The following SLC25A21 variants were observed in gnomAD, a reference collection of about 807,000 sequenced individuals.
The protein encoded by SLC25A21 is solute carrier family 25 member 21.
A neutral mutation model predicts 43.8 loss-of-function variants in SLC25A21; 47 were observed. The ratio of observed to expected loss-of-function variants is 1.07; its 90% CI spans 0.85 to 1.37. The LOEUF is 1.37. SLC25A21 is among the 40% of genes most tolerant of loss of function. The pLI is 0.00. For synonymous variants in SLC25A21, 131 were observed against 121.3 expected, an observed-to-expected ratio of 1.08 and a Z score of -0.52; for missense variants, 352 against 350.2, an observed-to-expected ratio of 1.00 and a Z score of -0.04.
At chr14:37,164,282 A>T (rs367578251) in intron 1 of SLC25A21, among the ~76,000 whole-genome samples, 1 of 152,194 alleles carries the variant, frequency 6.6e-6, no homozygotes, top group Admixed American at 6.5e-5. Context: ...CTTAAAATAC[A>T]TCCTTTAAAG....
At chr14:36,870,066 T>C (rs947174486) in intron 2 of SLC25A21, among the ~76,000 whole-genome samples, 1 of 152,208 alleles carries the variant, frequency 6.6e-6, no homozygotes, top group African/African-American at 2.4e-5. Flanking sequence ...AAAATAATCC[T>C]TGAGCACTAC....
intron 1 of SLC25A21, among the ~76,000 whole-genome samples, chr14:37,129,733 T>C (rs1005688847): frequency 4.6e-5 from 7 of 151,870 alleles, no homozygotes; most frequent in Non-Finnish European, 7.4e-5. Context: ...TGGGTGCCTA[T>C]AGCCCTTAAA....
At chr14:37,010,172 T>C (rs937228748) in intron 1 of SLC25A21, among the ~76,000 whole-genome samples, 6 of 152,202 alleles carry the variant, frequency 3.9e-5, no homozygotes, top group Non-Finnish European at 5.9e-5. Flanking sequence ...TGTAACCAAA[T>C]GGCACAGTAC....
intron 1 of SLC25A21, among the ~76,000 whole-genome samples, chr14:36,948,108 C>T (rs1892718202): frequency 6.6e-6 from 1 of 151,718 alleles, no homozygotes; most frequent in East Asian, 1.9e-4. Context: ...AATCCTAGTT[C>T]TTAAGAATGC....
chr14:36,731,624 G>T (rs1215935250), intron 4 of SLC25A21, among the ~76,000 whole-genome samples: 1 of 152,162 alleles, frequency 6.6e-6, no homozygotes, highest in Non-Finnish European at 1.5e-5. Flanking sequence ...TTCCAGTCTG[G>T]CTGGTGGGAA....
chr14:36,717,276 C>T (rs1461738120), intron 6 of SLC25A21, among the ~76,000 whole-genome samples: 3 of 152,158 alleles, frequency 2.0e-5, no homozygotes, highest in South Asian at 2.1e-4. Context: ...AAAAAGTCCA[C>T]ATTTATAGTT....
At chr14:37,113,822 C>T (rs1963061253) in intron 1 of SLC25A21, among the ~76,000 whole-genome samples, 1 of 135,364 alleles carries the variant, frequency 7.4e-6, no homozygotes, top group African/African-American at 2.7e-5. Context: ...ACACTGTACT[C>T]CAGTCTGGGC....
At chr14:36,778,834 G>A (rs890009914) in intron 3 of SLC25A21, among the ~76,000 whole-genome samples, 4 of 152,066 alleles carry the variant, frequency 2.6e-5, no homozygotes, top group African/African-American at 9.7e-5. Context: ...TTGTTTTAGT[G>A]AGAACACTTA....
chr14:36,822,533 G>A (rs747087736), intron 2 of SLC25A21, among the ~76,000 whole-genome samples: 2 of 152,142 alleles, frequency 1.3e-5, no homozygotes, highest in African/African-American at 2.4e-5. Context: ...ACCAATAAGT[G>A]TCTCTATGTT....
intron 3 of SLC25A21, among the ~76,000 whole-genome samples, chr14:36,766,444 C>G (rs897453097): frequency 6.6e-6 from 1 of 152,172 alleles, no homozygotes; most frequent in Non-Finnish European, 1.5e-5. Flanking sequence ...TAATCCTGGT[C>G]AGATTTCTCT....
At chr14:37,153,005 C>T (rs2138936942) in intron 1 of SLC25A21, among the ~76,000 whole-genome samples, 1 of 152,238 alleles carries the variant, frequency 6.6e-6, no homozygotes, top group Non-Finnish European at 1.5e-5. Context: ...AGGCAGCATC[C>T]CTGGTCAGGA....
rs368429393 is a variant in SLC25A21, at chr14:36,681,579, T to TCTAA, written c.839-864_839-861dup. On this transcript the variant is annotated intron_variant, in intron 9 of 9. Coordinates refer to ENST00000331299, the MANE Select transcript of SLC25A21 (RefSeq NM_030631.4). ...GATAATCTCTTTTTATCCTTTTATGTCTAACTGTGTGAAAAACATCACAAA... is the reference window on the plus strand; with the variant it reads ...GATAATCTCTTTTTATCCTTTTATGTCTAACTAACTGTGTGAAAAACATCACAAA... 6.3e-3 allele frequency among the ~76,000 whole-genome samples: 966 copies of TCTAA among 152,218 alleles called. 8 individuals are homozygous for TCTAA. The highest frequency in any genetic ancestry group is 0.021 in the African/African-American group (879 of 41,476).
At chr14:36,913,133 A>C (rs1050618039) in intron 1 of SLC25A21, among the ~76,000 whole-genome samples, 3 of 152,192 alleles carry the variant, frequency 2.0e-5, no homozygotes, top group Non-Finnish European at 2.9e-5. Flanking sequence ...TAACTTATAC[A>C]GTATGGGTTT....
At chr14:36,756,597 T>G (rs1478978579) in intron 3 of SLC25A21, among the ~76,000 whole-genome samples, 1 of 152,188 alleles carries the variant, frequency 6.6e-6, no homozygotes, top group Non-Finnish European at 1.5e-5. Context: ...CCATTTCCCT[T>G]GGCACCCTTG....
intron 1 of SLC25A21, among the ~76,000 whole-genome samples, chr14:37,069,163 T>C (rs1962123046): frequency 6.6e-6 from 1 of 151,256 alleles, no homozygotes; most frequent in Admixed American, 6.6e-5. Context: ...AGCAACAGAG[T>C]GAGACTCCAT....
intron 1 of SLC25A21, among the ~76,000 whole-genome samples, chr14:37,109,809 T>C (rs1962985503): frequency 6.6e-6 from 1 of 152,176 alleles, no homozygotes; most frequent in Non-Finnish European, 1.5e-5. Flanking sequence ...AAAACTGCCA[T>C]ACATTGACCA....
intron 3 of SLC25A21, among the ~76,000 whole-genome samples, chr14:36,784,578 C>A (rs926632253): frequency 6.6e-6 from 1 of 152,160 alleles, no homozygotes; most frequent in Non-Finnish European, 1.5e-5. Context: ...AGAGCAGTAA[C>A]CTTAGGTGTC....
chr14:36,737,903 G>A (rs766358747), intron 3 of SLC25A21, among the ~76,000 whole-genome samples: 18 of 152,166 alleles, frequency 1.2e-4, no homozygotes, highest in Non-Finnish European at 2.2e-4. Flanking sequence ...GCCTAGTTAC[G>A]TCTGGCCTTT....
rs377387387 is a variant in SLC25A21 at position 36,699,411 on chromosome 14, C to CCA, written c.603+11905_603+11906dup. 6.2e-3 allele frequency among the ~76,000 whole-genome samples: 938 copies of CCA among 152,254 alleles called. 12 individuals are homozygous for CCA. Among genetic ancestry groups the CCA allele is most frequent in the African/African-American group, 0.022 (908 of 41,544 alleles). On this transcript the variant is annotated intron_variant, in intron 7 of 9. Transcript: ENST00000331299. ...GTTAGGCTACACAGGGATCAGGGACCCACTTGAGGAGGCAGTCTGTCTGTT... is the reference window on the plus strand; with the variant it reads ...GTTAGGCTACACAGGGATCAGGGACCCACACTTGAGGAGGCAGTCTGTCTGTT...
Sources: gnomAD v4.1 joint callset for allele counts (sites outside exome capture counted in the v4.1 genomes callset) on GRCh38, gnomAD v4.1.1 for gene constraint, MANE v1.5 for transcripts, NCBI Gene and HGNC (gene_info 2026-07-23, HGNC 2026-07-21) for gene names.